The following TP53BP1 variants were observed in gnomAD, a reference collection of about 807,000 sequenced individuals.
The protein encoded by TP53BP1 is tumor protein p53 binding protein 1.
In TP53BP1, 61 loss-of-function variants were observed where a neutral mutation model predicts 200.8. That is an observed-to-expected ratio of 0.30 (90% confidence interval 0.25 to 0.38). The LOEUF (loss-of-function observed/expected upper bound fraction) is 0.38, where lower values mean the gene tolerates loss of function less well. Ranked by LOEUF, TP53BP1 falls within the 10% of genes least tolerant of loss-of-function variation. The pLI is 1.00. For missense variants in TP53BP1, 2,144 were observed against 2,371.9 expected, an observed-to-expected ratio of 0.90 and a Z score of 2.00; for synonymous variants, 822 against 844.3, an observed-to-expected ratio of 0.97 and a Z score of 0.46.
At chr15:43,494,151 AG>A (rs2079164539), upstream of TP53BP1, among the ~76,000 whole-genome samples, 1 of 152,228 alleles carries the variant, frequency 6.6e-6, no homozygotes, top group African/African-American at 2.4e-5. Flanking sequence ...TTCTAGCCAG[AG>A]CAGCTGTCAA....
chr15:43,439,855 A>G (rs2045885293), intron 15 of TP53BP1, among the ~76,000 whole-genome samples: 1 of 152,186 alleles, frequency 6.6e-6, no homozygotes, highest in Non-Finnish European at 1.5e-5. Context: ...CAGACTAATA[A>G]CAACTTATTC....
At chr15:43,438,991 G>T (rs1238748772) in intron 15 of TP53BP1, among the ~76,000 whole-genome samples, 2 of 152,092 alleles carry the variant, frequency 1.3e-5, no homozygotes, top group African/African-American at 4.8e-5. Flanking sequence ...AGACAGCACT[G>T]AAGTATTTCA....
intron 23 of TP53BP1, chr15:43,414,155 C>G (rs1336505748): frequency 1.9e-5 from 9 of 469,056 alleles, no homozygotes; most frequent in African/African-American, 1.2e-4. Context: ...GTCTCAGAGG[C>G]AATATGACGT....
At chr15:43,409,885 T>G in intron 24 of TP53BP1, 144 bp from the exon 25 acceptor site, 1 of 444,348 alleles carries the variant, frequency 2.3e-6, no homozygotes, top group Non-Finnish European at 4.0e-6. Flanking sequence ...GGCTTCCCCA[T>G]GGGTCAGAAA....
At chr15:43,438,125 A>G (rs1448985335) in intron 16 of TP53BP1, among the ~76,000 whole-genome samples, 199 bp downstream of exon 16, 1 of 152,198 alleles carries the variant, frequency 6.6e-6, no homozygotes, top group African/African-American at 2.4e-5. Context: ...CGACCTAATT[A>G]CCTCTTTTTT....
intron 12 of TP53BP1, among the ~76,000 whole-genome samples, chr15:43,454,850 G>C (rs529614390): frequency 6.6e-6 from 1 of 152,270 alleles, no homozygotes; most frequent in South Asian, 2.1e-4. Flanking sequence ...TCATGCCTCA[G>C]CCTCCCGAGT....
intron 16 of TP53BP1, among the ~76,000 whole-genome samples, chr15:43,436,116 C>A (rs1469021906): frequency 6.6e-6 from 1 of 152,006 alleles, no homozygotes; most frequent in East Asian, 1.9e-4. Flanking sequence ...CTCAGCATCC[C>A]AAGTAGCTGG....
At chr15:43,437,048 A>G (rs1027201092) in intron 16 of TP53BP1, among the ~76,000 whole-genome samples, 1 of 151,708 alleles carries the variant, frequency 6.6e-6, no homozygotes, top group Non-Finnish European at 1.5e-5. Context: ...AGTCCTAGCC[A>G]CTCAGGGGGT....
chr15:43,420,815 T>C, intron 20 of TP53BP1, 80 bp from the exon 21 acceptor site: 1 of 1,374,480 alleles, frequency 7.3e-7, no homozygotes, highest in South Asian at 1.4e-5. Flanking sequence ...TCCACTCCTT[T>C]GTCCATGGGT....
In TP53BP1 at chr15:43,456,536, C is replaced by T. The variant is rs1373724641; in HGVS notation, c.2072G>A (p.Ser691Asn). 6.2e-7 allele frequency: 1 copy of T among 1,610,250 alleles called. No homozygotes were observed. The highest frequency in any genetic ancestry group is 1.3e-5 in the African/African-American group (1 of 74,724). ...AGTCAGAGAAAGGTGCAACGGAACACTCTCCATATTTTCTTCTTTGAGTTC... is the reference window on the plus strand; with the variant it reads ...AGTCAGAGAAAGGTGCAACGGAACATTCTCCATATTTTCTTCTTTGAGTTC... ...GEELKEENME[S>N]VPLHLSLTET... Residue 691 changes from serine to asparagine, a missense_variant, in exon 12 of 28, where the codon AGT becomes AAT. By Grantham distance (46) the Ser-to-Asn change is conservative. Coordinates refer to ENST00000382044, the MANE Select transcript of TP53BP1 (RefSeq NM_001141980.3).
At chr15:43,464,711 C>A (rs45519444) in intron 11 of TP53BP1, among the ~76,000 whole-genome samples, 327 of 151,988 alleles carry the variant, frequency 2.2e-3, no homozygotes, top group Admixed American at 4.8e-3. Context: ...CAAGACCAGC[C>A]TGACCAACAT....
chr15:43,480,251 C>G (rs1327287253), intron 5 of TP53BP1, among the ~76,000 whole-genome samples: 4 of 152,100 alleles, frequency 2.6e-5, no homozygotes, highest in Non-Finnish European at 4.4e-5. Context: ...CGGTCAAGAC[C>G]AGCCTGGCCA....
intron 11 of TP53BP1, among the ~76,000 whole-genome samples, chr15:43,467,241 AT>A (rs1342960805): frequency 6.6e-6 from 1 of 151,762 alleles, no homozygotes; most frequent in African/African-American, 2.4e-5. Context: ...ATTTTTGACC[AT>A]TTGTAGAAAT....
intron 12 of TP53BP1, among the ~76,000 whole-genome samples, chr15:43,452,527 C>T (rs936280432): frequency 3.9e-5 from 6 of 152,058 alleles, no homozygotes; most frequent in Non-Finnish European, 7.4e-5. Flanking sequence ...GGTGCCACTG[C>T]ACTCCAGCCT....
chr15:43,468,027 C>T (rs1005084064), intron 11 of TP53BP1, among the ~76,000 whole-genome samples: 8 of 152,028 alleles, frequency 5.3e-5, no homozygotes, highest in African/African-American at 1.2e-4. Flanking sequence ...TCAAGTGATC[C>T]GCCTGCCTCG....
intron 1 of TP53BP1, among the ~76,000 whole-genome samples, chr15:43,503,978 A>C (rs900578011): frequency 2.0e-5 from 3 of 152,220 alleles, no homozygotes; most frequent in Admixed American, 6.5e-5. Flanking sequence ...CAGGTAATCA[A>C]GAGACAATTT....
chr15:43,484,931 G>A (rs1238304941), intron 4 of TP53BP1, among the ~76,000 whole-genome samples: 1 of 151,798 alleles, frequency 6.6e-6, no homozygotes, highest in Non-Finnish European at 1.5e-5. Flanking sequence ...TGTATTTTTT[G>A]TAGAGACAGG....
At chr15:43,502,016 A>G (rs2079211712) in intron 1 of TP53BP1, among the ~76,000 whole-genome samples, 1 of 152,184 alleles carries the variant, frequency 6.6e-6, no homozygotes, top group South Asian at 2.1e-4. Context: ...ACTGCCAAAA[A>G]CAGTTTTTGA....
At chr15:43,439,661 T>A (rs921030509) in intron 15 of TP53BP1, among the ~76,000 whole-genome samples, 3 of 152,248 alleles carry the variant, frequency 2.0e-5, no homozygotes, top group Non-Finnish European at 1.5e-5. Flanking sequence ...CGAATTTTTT[T>A]AAATTTAGAT....
Sources: allele counts gnomAD v4.1 joint callset (sites outside exome capture counted in the v4.1 genomes callset), GRCh38; gene constraint gnomAD v4.1.1; transcripts MANE v1.5; gene names NCBI Gene and HGNC (gene_info 2026-07-23, HGNC 2026-07-21).